Variants in GTF2I observed in about 807,000 individuals in gnomAD.
GTF2I encodes the protein general transcription factor II-I.
Under a neutral mutation model 67.6 loss-of-function variants are expected in GTF2I, and 12 were observed. The ratio of observed to expected loss-of-function variants is 0.18; its 90% CI spans 0.11 to 0.29. GTF2I has a LOEUF of 0.29. GTF2I is among the 10% of genes least tolerant of loss of function. The probability of loss-of-function intolerance (pLI) is 1.00; values close to 1 mark genes in which losing one functional copy is unlikely to be tolerated. For synonymous variants in GTF2I, 149 were observed against 197.0 expected, an observed-to-expected ratio of 0.76 and a Z score of 2.04; for missense variants, 271 against 580.1, an observed-to-expected ratio of 0.47 and a Z score of 5.47.
At chr7:74,680,114 A>ATATATATATATATATATATATATATATG (rs1339021361) in intron 1 of GTF2I, among the ~76,000 whole-genome samples, 1 of 121,476 alleles carries the variant, frequency 8.2e-6, no homozygotes, top group African/African-American at 3.3e-5. Flanking sequence ...ATATATATAT[A>ATATATATATATATATATATATATATATG]TATGTATGTA....
intron 1 of GTF2I, among the ~76,000 whole-genome samples, chr7:74,671,268 G>T (rs1423469208): frequency 2.6e-5 from 4 of 151,636 alleles, no homozygotes; most frequent in South Asian, 2.1e-4. Flanking sequence ...TGTATTTTTG[G>T]TAGAGACAGA....
intron 1 of GTF2I, among the ~76,000 whole-genome samples, chr7:74,669,612 T>G (rs1277955599): frequency 6.6e-6 from 1 of 151,938 alleles, no homozygotes; most frequent in Non-Finnish European, 1.5e-5. Context: ...CTCGGCTCAC[T>G]GAAACCTCCG....
At chr7:74,694,960 G>A (rs2131311344) in intron 3 of GTF2I, among the ~76,000 whole-genome samples, 1 of 152,266 alleles carries the variant, frequency 6.6e-6, no homozygotes, top group Admixed American at 6.5e-5. Flanking sequence ...GAACAATAAA[G>A]CCTGGATGAC....
chr7:74,701,697 T>G (rs1380416113), intron 6 of GTF2I, among the ~76,000 whole-genome samples: 1 of 152,140 alleles, frequency 6.6e-6, no homozygotes, highest in Non-Finnish European at 1.5e-5. Context: ...ACTCCTGACC[T>G]CAAATGATCC....
chr7:74,727,548 C>T (rs782117232), intron 12 of GTF2I: 11 of 152,088 alleles, frequency 7.2e-5, no homozygotes, highest in Non-Finnish European at 1.2e-4. Flanking sequence ...AACAATTATA[C>T]CCATCTAAAA....
At chr7:74,663,880 A>T (rs943497659) in intron 1 of GTF2I, among the ~76,000 whole-genome samples, 5 of 152,170 alleles carry the variant, frequency 3.3e-5, no homozygotes, top group Admixed American at 2.0e-4. Context: ...CCCAGGCTGG[A>T]GTGCAGTGGC....
rs1794800855 is a variant in GTF2I, at chr7:74,735,631, T to G, written c.1435+99T>G. ...ATTTTAGGAAAGTAAATACAGTGAA[T>G]AGGACTCAGCTTTAGTTTTCCCTGT... On this transcript the variant is annotated intron_variant, in intron 17 of 34. Transcript: ENST00000573035. 19 of 417,434 alleles carry G rather than the reference T, an allele frequency of 4.6e-5. 2 individuals carry two copies. Among genetic ancestry groups the G allele is most frequent in the South Asian group, 4.3e-4 (19 of 44,254 alleles). 25.9% of individuals were successfully genotyped at this position (417,434 alleles called of 1,614,324 possible). A position where few individuals can be genotyped will look rare whatever the true frequency, so the allele number is the denominator to read the frequency against.
Position 74,705,326 on chromosome 7 carries a change from T to G in GTF2I, c.641+108T>G, listed in dbSNP as rs587710271. On this transcript the variant is annotated intron_variant, in intron 7 of 34. Coordinates refer to ENST00000573035, the MANE Select transcript of GTF2I (RefSeq NM_032999.4). Reference sequence around the variant, plus strand: ...TAAAAAGGCCTCATGTCACACATCTTAAAGTTTAATAGGCAAGGATATCAT... The same window carrying G: ...TAAAAAGGCCTCATGTCACACATCTGAAAGTTTAATAGGCAAGGATATCAT... The G allele has an allele frequency of 5.6e-6, 4 of 711,156 alleles. No homozygotes were observed. The Admixed American group carries it at 6.9e-5, about 12-fold the overall frequency. The allele number at this position is 711,156 out of a possible 1,614,324, so 44.1% of individuals were successfully genotyped here.
intron 3 of GTF2I, among the ~76,000 whole-genome samples, chr7:74,691,991 G>A (rs917701936): frequency 8.6e-5 from 13 of 150,682 alleles, no homozygotes; most frequent in Admixed American, 8.6e-4. Flanking sequence ...TGGCCAAGTT[G>A]GTCTCAAACT....
intron 27 of GTF2I, 102 bp from the exon 28 acceptor site, chr7:74,751,988 G>GAA: frequency 2.4e-6 from 1 of 418,218 alleles, no homozygotes; most frequent in Non-Finnish European, 4.1e-6. Flanking sequence ...TGGAAAGAAA[G>GAA]AACCTTGAAC....
At chr7:74,737,342 G>T (rs1477663055) in intron 18 of GTF2I, among the ~76,000 whole-genome samples, 1 of 146,914 alleles carries the variant, frequency 6.8e-6, no homozygotes, top group Non-Finnish European at 1.5e-5. Flanking sequence ...ATATGAGTAG[G>T]GGGAGGAGGT....
intron 1 of GTF2I, among the ~76,000 whole-genome samples, chr7:74,666,811 C>A (rs868919306): frequency 9.7e-4 from 125 of 128,966 alleles, no homozygotes; most frequent in Non-Finnish European, 1.2e-3. Flanking sequence ...ACTAAAAATA[C>A]AAAAAAAAAA....
chr7:74,705,064 A>G, intron 6 of GTF2I, 100 bp from the exon 7 acceptor site: 1 of 753,760 alleles, frequency 1.3e-6, no homozygotes, highest in Non-Finnish European at 2.3e-6. Context: ...CAGAGCTGCA[A>G]AGCCTAGTTC....
chr7:74,723,448 T>TTTTTTTTTTA (rs1793342492), intron 12 of GTF2I, among the ~76,000 whole-genome samples: 1 of 143,622 alleles, frequency 7.0e-6, no homozygotes, highest in Non-Finnish European at 1.5e-5. Context: ...TTTTTTTTTT[T>TTTTTTTTTTA]AAGACGGAGT....
chr7:74,714,178 A>G (rs782126596), intron 9 of GTF2I, among the ~76,000 whole-genome samples: 59 of 152,310 alleles, frequency 3.9e-4, no homozygotes, highest in Non-Finnish European at 7.1e-4. Flanking sequence ...TATTTTAATC[A>G]TTAAAAAGTT....
intron 12 of GTF2I, among the ~76,000 whole-genome samples, chr7:74,725,402 TC>T (rs1362860438): frequency 3.3e-5 from 5 of 152,032 alleles, no homozygotes; most frequent in African/African-American, 4.8e-5. Flanking sequence ...AATAACTACA[TC>T]CAGCTGGGTG....
intron 1 of GTF2I, among the ~76,000 whole-genome samples, chr7:74,664,485 G>A (rs1424321521): frequency 2.6e-5 from 4 of 152,124 alleles, no homozygotes; most frequent in Admixed American, 2.6e-4. Context: ...ACAGGCTAAA[G>A]TGCAATGGCG....
chr7:74,700,438 G>T lies in GTF2I; in HGVS notation c.557+8G>T, dbSNP rs1554399564. 3 of 1,613,946 alleles carry T rather than the reference G, an allele frequency of 1.9e-6. No homozygotes were observed. Among genetic ancestry groups the T allele is most frequent in the Non-Finnish European group, 2.5e-6 (3 of 1,179,898 alleles). Reference sequence around the variant, plus strand: ...TTCATTCATCATTAAGAGGTGAAGTGCTTTCTCCCTTTGTACCCATCAACA... The same window carrying T: ...TTCATTCATCATTAAGAGGTGAAGTTCTTTCTCCCTTTGTACCCATCAACA... On this transcript the variant is annotated splice_region_variant and intron_variant, in intron 5 of 34. Transcript: ENST00000573035.
chr7:74,697,172 C>T (rs1176830338), intron 3 of GTF2I, among the ~76,000 whole-genome samples: 3 of 151,836 alleles, frequency 2.0e-5, no homozygotes, highest in South Asian at 2.1e-4. Context: ...CAGAGGCAGG[C>T]GGATCACGAG....
Sources: allele counts gnomAD v4.1 joint callset (sites outside exome capture counted in the v4.1 genomes callset), GRCh38; gene constraint gnomAD v4.1.1; transcripts MANE v1.5; gene names NCBI Gene and HGNC (gene_info 2026-07-23, HGNC 2026-07-21).